The following GRM7 variants were observed in gnomAD, a reference collection of about 807,000 sequenced individuals.
GRM7 encodes metabotropic glutamate receptor 7.
In GRM7, 35 loss-of-function variants were observed where a neutral mutation model predicts 84.5. The observed-to-expected ratio is 0.41, with a 90% confidence interval of 0.32 to 0.55. The LOEUF is 0.55. Ranked by LOEUF, GRM7 falls within the 20% of genes least tolerant of loss-of-function variation. The pLI, the probability that GRM7 is intolerant of heterozygous loss-of-function variation, is 0.19. For missense variants in GRM7, 1,003 were observed against 1,194.6 expected (o/e 0.84, Z 2.36); for synonymous variants, 487 against 455.1 (o/e 1.07, Z -0.89).
At chr3:6,902,576 T>C (rs911431675) in intron 1 of GRM7, among the ~76,000 whole-genome samples, 9 of 152,196 alleles carry the variant, frequency 5.9e-5, no homozygotes, top group African/African-American at 2.2e-4. Context: ...CTTAAATTAC[T>C]ATTGTGTCCT....
intron 8 of GRM7, among the ~76,000 whole-genome samples, chr3:7,598,563 G>C (rs1267681425): frequency 6.6e-6 from 1 of 152,202 alleles, no homozygotes; most frequent in Admixed American, 6.5e-5. Context: ...TCTCTTGCTT[G>C]TGAGGGTTGA....
At chr3:7,099,511 TATATG>T (rs1166854823) in intron 1 of GRM7, among the ~76,000 whole-genome samples, 2 of 146,910 alleles carry the variant, frequency 1.4e-5, no homozygotes, top group Non-Finnish European at 3.0e-5. Flanking sequence ...CATGTACACA[TATATG>T]TATATGTACA....
In GRM7 at chr3:7,121,597, T is replaced by G. The variant is rs182115690; in HGVS notation, c.520-24855T>G. Reference sequence around the variant, plus strand: ...CCCCTTTCCTCCTAATTTAGATTCTTTTCTATCTCCCTCTTGGTCTAATTG... The same window carrying G: ...CCCCTTTCCTCCTAATTTAGATTCTGTTCTATCTCCCTCTTGGTCTAATTG... On this transcript the variant is annotated intron_variant, in intron 1 of 9. Transcript: ENST00000357716. 9.8e-3 allele frequency among the ~76,000 whole-genome samples: 1,492 copies of G among 152,284 alleles called. 25 individuals are homozygous for G. Among genetic ancestry groups the G allele is most frequent in the African/African-American group, 0.034 (1,394 of 41,568 alleles).
intron 1 of GRM7, among the ~76,000 whole-genome samples, chr3:6,972,914 C>T (rs1559360800): frequency 2.0e-5 from 3 of 152,182 alleles, no homozygotes; most frequent in South Asian, 4.1e-4. Flanking sequence ...ATCTCAGTGG[C>T]ACATTTCTGT....
rs148103338 is a variant in GRM7, at chr3:7,678,350, A to G, written c.2452-1699A>G. Among the ~76,000 whole-genome samples the G allele has an allele frequency of 4.8e-3, 734 of 152,340 alleles. 10 individuals carry two copies. The highest frequency in any genetic ancestry group is 0.017 in the African/African-American group (700 of 41,578). On this transcript the variant is annotated intron_variant, in intron 8 of 9. Transcript: ENST00000357716. ...TCAACTGCAAAATTCACTCATAAGC[A>G]GAGAAACAGAAACAAAACCTAAGAT... is the stretch of plus-strand genomic sequence containing the variant.
chr3:7,279,453 A>C (rs559305047), intron 2 of GRM7, among the ~76,000 whole-genome samples: 6 of 152,280 alleles, frequency 3.9e-5, no homozygotes, highest in African/African-American at 1.4e-4. Flanking sequence ...AACCATATGG[A>C]GCAGATGAGA....
chr3:6,965,273 C>A (rs4686102), intron 1 of GRM7, among the ~76,000 whole-genome samples: 4 of 152,080 alleles, frequency 2.6e-5, no homozygotes, highest in Non-Finnish European at 5.9e-5. Flanking sequence ...ATTTGCTTAA[C>A]AATGTTACCT....
chr3:7,721,821 T>C (rs1318188902), intron 9 of GRM7, among the ~76,000 whole-genome samples: 5 of 152,180 alleles, frequency 3.3e-5, no homozygotes, highest in African/African-American at 4.8e-5. Flanking sequence ...TACTATTCTA[T>C]AGAATAAGAA....
intron 1 of GRM7, among the ~76,000 whole-genome samples, chr3:6,962,950 G>T (rs1693358197): frequency 6.6e-6 from 1 of 152,218 alleles, no homozygotes; most frequent in South Asian, 2.1e-4. Context: ...TGAAGTGATT[G>T]TGAGGAAGTA....
At chr3:7,645,896 T>C (rs1051646213) in intron 8 of GRM7, among the ~76,000 whole-genome samples, 3 of 152,202 alleles carry the variant, frequency 2.0e-5, no homozygotes, top group African/African-American at 4.8e-5. Context: ...ACCCAGTCCT[T>C]GCATAAATAA....
At chr3:7,328,447 G>T (rs932991980) in intron 4 of GRM7, among the ~76,000 whole-genome samples, 3 of 152,140 alleles carry the variant, frequency 2.0e-5, no homozygotes, top group African/African-American at 7.2e-5. Context: ...CCAGGTGTCT[G>T]AGTTCTGGCC....
intron 4 of GRM7, among the ~76,000 whole-genome samples, chr3:7,345,857 GT>G (rs1036332154): frequency 6.6e-6 from 1 of 151,982 alleles, no homozygotes; most frequent in Non-Finnish European, 1.5e-5. Flanking sequence ...TTTGGAAGAT[GT>G]TTTTAAGCTT....
At chr3:7,082,520 A>G (rs552371521) in intron 1 of GRM7, among the ~76,000 whole-genome samples, 4 of 152,250 alleles carry the variant, frequency 2.6e-5, no homozygotes, top group Admixed American at 2.6e-4. Context: ...CACAACATCC[A>G]TTGTGCAGCC....
chr3:7,258,747 C>A (rs1698300994), intron 2 of GRM7, among the ~76,000 whole-genome samples: 1 of 152,218 alleles, frequency 6.6e-6, no homozygotes, highest in South Asian at 2.1e-4. Context: ...AATCCATCAT[C>A]TCCTTCTGAT....
intron 2 of GRM7, among the ~76,000 whole-genome samples, chr3:7,159,985 A>G (rs1336358866): frequency 6.6e-6 from 1 of 152,222 alleles, no homozygotes; most frequent in Non-Finnish European, 1.5e-5. Flanking sequence ...AAAAGCATGA[A>G]AAGATTAAGA....
rs184476659 is a variant in GRM7, at chr3:7,052,900, C to T, written c.520-93552C>T. On this transcript the variant is annotated intron_variant, in intron 1 of 9. Coordinates refer to ENST00000357716, the MANE Select transcript of GRM7 (RefSeq NM_000844.4). ...AGACATATGCCTTAAATTTCTCTTG[C>T]ATAACTGCCTAGTAGTGTATTGCTG... Among the ~76,000 whole-genome samples the T allele has an allele frequency of 2.4e-3, 357 of 151,390 alleles. 1 individual carries two copies. Among genetic ancestry groups the T allele is most frequent in the African/African-American group, 8.4e-3 (346 of 41,416 alleles).
chr3:7,406,290 G>A (rs1695673261), intron 4 of GRM7, among the ~76,000 whole-genome samples: 1 of 152,032 alleles, frequency 6.6e-6, no homozygotes, highest in Admixed American at 6.6e-5. Flanking sequence ...CACGAGGTCA[G>A]GAGATGGAGA....
In GRM7 at chr3:7,422,931, A is replaced by C. The variant is rs113356282; in HGVS notation, c.1174+7768A>C. Among the ~76,000 whole-genome samples, 178 of 152,306 alleles carry C rather than the reference A, an allele frequency of 1.2e-3. 1 individual carries two copies. The highest frequency in any genetic ancestry group is 3.1e-3 in the Admixed American group (48 of 15,286). ...ATATGACACTAACCGAAGTACAAGC[A>C]AAGTAGATGGATGGCAACCCAGATC... On this transcript the variant is annotated intron_variant, in intron 5 of 9. Transcript: ENST00000357716.
intron 2 of GRM7, among the ~76,000 whole-genome samples, chr3:7,167,885 C>A (rs1186649266): frequency 7.4e-6 from 1 of 134,800 alleles, no homozygotes; most frequent in African/African-American, 2.7e-5. Context: ...AGGAGAATGG[C>A]GTGAACCCGG....
Sources: gnomAD v4.1 joint callset for allele counts (sites outside exome capture counted in the v4.1 genomes callset) on GRCh38, gnomAD v4.1.1 for gene constraint, MANE v1.5 for transcripts, NCBI Gene and HGNC (gene_info 2026-07-23, HGNC 2026-07-21) for gene names.